The following EPM2A variants were observed in gnomAD, a reference collection of about 807,000 sequenced individuals.
The protein encoded by EPM2A is laforin.
EPM2A carries 21 observed loss-of-function variants against 26.5 expected under a neutral mutation model. The observed-to-expected ratio is 0.79, with a 90% CI of 0.56 to 1.14. EPM2A has a LOEUF of 1.14. Among genes scored for constraint, EPM2A ranks in the 50% most tolerant of loss-of-function variants. The pLI, the probability that EPM2A is intolerant of heterozygous loss-of-function variation, is 0.00. For missense variants in EPM2A, 458 were observed against 440.8 expected, an observed-to-expected ratio of 1.04 and a Z score of -0.35; for synonymous variants, 217 against 177.6, an observed-to-expected ratio of 1.22 and a Z score of -1.76.
At chr6:145,425,070 T>C (rs898558729) in intron 4 of EPM2A, among the ~76,000 whole-genome samples, 1 of 151,758 alleles carries the variant, frequency 6.6e-6, no homozygotes, top group Non-Finnish European at 1.5e-5. Context: ...ATTGTGTGTG[T>C]TTTCTCATAC....
chr6:145,487,682 A>C (rs1308339855), intron 4 of EPM2A, among the ~76,000 whole-genome samples: 1 of 151,948 alleles, frequency 6.6e-6, no homozygotes, highest in African/African-American at 2.4e-5. Flanking sequence ...GTTTCTTGTA[A>C]ATTTATTTAA....
chr6:145,519,454 C>T (rs879593692), intron 2 of EPM2A, among the ~76,000 whole-genome samples: 1 of 152,118 alleles, frequency 6.6e-6, no homozygotes, highest in Non-Finnish European at 1.5e-5. Flanking sequence ...GTTGGTTTTG[C>T]TAATGGAATC....
chr6:145,705,818 AAAG>A (rs1353314868), intron 1 of EPM2A: 79 of 455,354 alleles, frequency 1.7e-4, no homozygotes, highest in African/African-American at 1.5e-3. Flanking sequence ...TCAACAGAGC[AAAG>A]AAGAACAATC....
chr6:145,715,650 G>A (rs907516742), intron 1 of EPM2A, among the ~76,000 whole-genome samples: 4 of 152,072 alleles, frequency 2.6e-5, no homozygotes, highest in African/African-American at 9.7e-5. Context: ...CTCACATTAC[G>A]GGGTGAACTC....
intron 2 of EPM2A, among the ~76,000 whole-genome samples, chr6:145,604,557 T>C (rs1350131048): frequency 6.6e-6 from 1 of 152,136 alleles, no homozygotes; most frequent in East Asian, 1.9e-4. Flanking sequence ...AAATAGTCTA[T>C]TAACATGAAA....
downstream of EPM2A, among the ~76,000 whole-genome samples, chr6:145,501,329 GT>G (rs1359100670): frequency 6.6e-6 from 1 of 152,210 alleles, no homozygotes; most frequent in African/African-American, 2.4e-5. Context: ...ATCACAGAAT[GT>G]TGTATAAAAT....
chr6:145,682,964 TAA>T (rs768712220), intron 2 of EPM2A, among the ~76,000 whole-genome samples: 3 of 152,184 alleles, frequency 2.0e-5, no homozygotes, highest in Non-Finnish European at 2.9e-5. Context: ...GCAGCTAAGA[TAA>T]ATTCACAAAT....
At chr6:145,408,174 A>C (rs983808158) in intron 4 of EPM2A, among the ~76,000 whole-genome samples, 1 of 152,106 alleles carries the variant, frequency 6.6e-6, no homozygotes, top group Non-Finnish European at 1.5e-5. Flanking sequence ...CATTGGGGTT[A>C]TTTGCTATTA....
intron 2 of EPM2A, among the ~76,000 whole-genome samples, chr6:145,556,516 G>A (rs535008827): frequency 6.6e-6 from 1 of 152,188 alleles, no homozygotes; most frequent in Non-Finnish European, 1.5e-5. Flanking sequence ...TTAGAGCTCT[G>A]GGAAGTGAAG....
At chr6:145,729,349 G>A (rs7763273) in intron 1 of EPM2A, among the ~76,000 whole-genome samples, 10,149 of 152,218 alleles carry the variant, frequency 0.067, 1,137 homozygotes, top group African/African-American at 0.23. Flanking sequence ...TGCACCGTGG[G>A]CCTGGAAAAG....
chr6:145,618,134 G>A (rs2128553321), intron 2 of EPM2A, among the ~76,000 whole-genome samples: 1 of 152,224 alleles, frequency 6.6e-6, no homozygotes, highest in Admixed American at 6.5e-5. Flanking sequence ...CTATGAAAAT[G>A]CCTGGAAGAA....
intron 2 of EPM2A, among the ~76,000 whole-genome samples, chr6:145,612,435 C>A (rs1180462746): frequency 6.6e-6 from 1 of 152,060 alleles, no homozygotes; most frequent in Non-Finnish European, 1.5e-5. Context: ...CTCATGGTAA[C>A]ACAAATTATC....
At chr6:145,571,782 G>A (rs1475824594) in intron 2 of EPM2A, among the ~76,000 whole-genome samples, 2 of 152,208 alleles carry the variant, frequency 1.3e-5, no homozygotes, top group East Asian at 1.9e-4. Flanking sequence ...TGGCCACTTT[G>A]TTCATGGGCC....
rs545114541 is a variant in EPM2A at position 145,641,756 on chromosome 6, A to G, written c.477-6270T>C. Among the ~76,000 whole-genome samples, 6 of 152,208 alleles carry G rather than the reference A, an allele frequency of 3.9e-5. No homozygotes were observed. In the South Asian group the frequency reaches 6.2e-4, roughly 16 times the overall value. ...ACTACCCTTCTTCCTTCCTTCACTG[A>G]TGTCCTTCCATCTATCACCTGCGCA... On this transcript the variant is annotated intron_variant, in intron 2 of 3. Coordinates refer to ENST00000367519, the MANE Select transcript of EPM2A (RefSeq NM_005670.4).
chr6:145,450,498 G>A (rs1056230885), intron 4 of EPM2A, among the ~76,000 whole-genome samples: 4 of 152,136 alleles, frequency 2.6e-5, no homozygotes, highest in East Asian at 3.9e-4. Context: ...TCACCAAAAG[G>A]CACATACAAG....
intron 2 of EPM2A, among the ~76,000 whole-genome samples, chr6:145,608,988 C>T (rs2128551606): frequency 6.6e-6 from 1 of 152,284 alleles, no homozygotes; most frequent in East Asian, 1.9e-4. Context: ...CACAAGAATG[C>T]TTGTCTTTAA....
Position 145,626,743 on chromosome 6 carries a change from G to A in EPM2A, c.*673C>T, listed in dbSNP as rs79253382. 6.6e-4 allele frequency: 652 copies of A among 986,002 alleles called. 3 individuals are homozygous for A. In the African/African-American group the frequency reaches 0.011, roughly 16 times the overall value. 61.1% of individuals were successfully genotyped at this position (986,002 alleles called of 1,614,324 possible). A position where few individuals can be genotyped will look rare whatever the true frequency, so the allele number is the denominator to read the frequency against. On this transcript the variant is annotated 3_prime_UTR_variant, in exon 4 of 4. Transcript: ENST00000367519. ...TTGACATCTCAACTATAAAAAACAA[G>A]GGTATTTTTTGCTTTGTTTGGTAAT...
At chr6:145,519,370 A>G (rs2114771957) in intron 2 of EPM2A, among the ~76,000 whole-genome samples, 1 of 152,208 alleles carries the variant, frequency 6.6e-6, no homozygotes, top group East Asian at 1.9e-4. Flanking sequence ...ATGGAGGGCA[A>G]CCCAGACCTG....
chr6:145,530,266 C>T (rs1780336007), intron 2 of EPM2A, among the ~76,000 whole-genome samples: 1 of 152,190 alleles, frequency 6.6e-6, no homozygotes, highest in Admixed American at 6.5e-5. Context: ...GGGCTATTCC[C>T]TCTAGATCAA....
Sources: allele counts gnomAD v4.1 joint callset (sites outside exome capture counted in the v4.1 genomes callset), GRCh38; gene constraint gnomAD v4.1.1; transcripts MANE v1.5; gene names NCBI Gene and HGNC (gene_info 2026-07-23, HGNC 2026-07-21).